Variants in PUS7 observed in about 807,000 individuals in gnomAD.
PUS7 encodes the protein pseudouridylate synthase 7 homolog.
Under a neutral mutation model 79.8 loss-of-function variants are expected in PUS7, and 48 were observed. The observed-to-expected ratio is 0.60, with a 90% CI of 0.48 to 0.76. The LOEUF (loss-of-function observed/expected upper bound fraction) is 0.76, where lower values mean the gene tolerates loss of function less well. Among genes scored for constraint, PUS7 ranks in the 30% least tolerant of loss-of-function variants. PUS7 has a pLI of 0.00. For missense variants in PUS7, 729 were observed against 797.6 expected (o/e 0.91, Z 1.04); for synonymous variants, 286 against 272.2 (o/e 1.05, Z -0.50).
chr7:105,495,380 T>A, intron 5 of PUS7, 127 bp from the exon 6 acceptor site: 1 of 609,866 alleles, frequency 1.6e-6, no homozygotes. Flanking sequence ...ACAGGTTAAG[T>A]GGTTATAGCT....
At chr7:105,487,322 A>G (rs555095961) in intron 7 of PUS7, among the ~76,000 whole-genome samples, 290 of 152,308 alleles carry the variant, frequency 1.9e-3, no homozygotes, top group African/African-American at 6.2e-3. Flanking sequence ...TTTCAGACAC[A>G]TCATATAAAC....
intron 14 of PUS7, among the ~76,000 whole-genome samples, chr7:105,460,051 G>T (rs954793660): frequency 2.4e-4 from 36 of 152,028 alleles, no homozygotes; most frequent in African/African-American, 8.7e-4. Flanking sequence ...CCATTCTCCT[G>T]CCTCAGCCTC....
In PUS7 at chr7:105,497,055, T is replaced by A. The variant is rs974210109; in HGVS notation, c.731-1802A>T. 5.8e-5 allele frequency: 60 copies of A among 1,029,780 alleles called. 1 individual carries two copies. Among genetic ancestry groups the A allele is most frequent in the Middle Eastern group, 2.8e-4 (1 of 3,636 alleles). The allele number at this position is 1,029,780 out of a possible 1,614,324, so 63.8% of individuals were successfully genotyped here. ...AGTGCTTTAGAGGTGAACATGCAAA[T>A]GATCGCATGGTTAAGTTTACACTGA... On this transcript the variant is annotated intron_variant, in intron 5 of 15. Transcript: ENST00000469408.
At chr7:105,492,807 G>A (rs1824852346) in intron 6 of PUS7, among the ~76,000 whole-genome samples, 1 of 151,176 alleles carries the variant, frequency 6.6e-6, no homozygotes, top group African/African-American at 2.4e-5. Context: ...GCGCCCGGCC[G>A]ATTTTTTGTA....
chr7:105,465,358 C>T lies in PUS7; in HGVS notation c.1582G>A (p.Val528Ile), dbSNP rs1823594127. The T allele has an allele frequency of 6.2e-7, 1 of 1,613,630 alleles. No individual in the cohort carries two copies. The highest frequency in any genetic ancestry group is 1.7e-5 in the Admixed American group (1 of 59,994). The stretch of plus-strand genomic sequence containing the variant: ...ACATCGAAACCAGGCAAGGGCATTA[C>T]CACATCATGGATAGAGTAATTATTA... Reference protein sequence around the residue: ...DVNNYSIHDVVMPLPGFDVIY... With the variant: ...DVNNYSIHDVIMPLPGFDVIY... The change falls in exon 13 of 16, where the codon GTA becomes ATA. Residue 528 changes from valine (V) to isoleucine (I), a missense_variant. By Grantham distance (29) the Val-to-Ile change is conservative (BLOSUM62 3). Transcript: ENST00000469408.
chr7:105,470,515 A>G (rs1823829213), intron 11 of PUS7, 173 bp downstream of exon 11: 1 of 602,038 alleles, frequency 1.7e-6, no homozygotes, highest in Non-Finnish European at 2.6e-6. Flanking sequence ...TCCACCCCCA[A>G]CATCACCACT....
chr7:105,508,080 C>T, intron 2 of PUS7, 35 bp downstream of exon 2: 1 of 1,568,840 alleles, frequency 6.4e-7, no homozygotes, highest in Non-Finnish European at 8.6e-7. Context: ...AAACCTAATA[C>T]AATCAAAATA....
At chr7:105,464,377 C>G (rs1366970283) in intron 13 of PUS7, among the ~76,000 whole-genome samples, 1 of 152,108 alleles carries the variant, frequency 6.6e-6, no homozygotes, top group African/African-American at 2.4e-5. Flanking sequence ...CCGGACTGTG[C>G]CAGCTGTGTC....
intron 10 of PUS7, among the ~76,000 whole-genome samples, chr7:105,471,321 T>A (rs1303944837): frequency 6.6e-6 from 1 of 152,242 alleles, no homozygotes; most frequent in Admixed American, 6.5e-5. Context: ...TTTTGGTGAC[T>A]TCTTCACACT....
chr7:105,508,317 T>A lies in PUS7; in HGVS notation c.196A>T (p.Ser66Cys). ...GAATTCTTTCCACCTTTCCCAGTACTGACAGTGTCAGGAGGCCGAGGCACG... is the reference window on the plus strand; with the variant it reads ...GAATTCTTTCCACCTTTCCCAGTACAGACAGTGTCAGGAGGCCGAGGCACG... ...EDVPRPPDTV[S>C]TGKGGKNSEA... The change falls in exon 2 of 16, where the codon AGT becomes TGT. Residue 66 changes from serine (S) to cysteine (C), a missense_variant. Physicochemically the swap from Ser to Cys is moderately radical, Grantham distance 112. Transcript: ENST00000469408. The A allele has an allele frequency of 6.2e-7, 1 of 1,614,156 alleles. No homozygotes were observed. Among genetic ancestry groups the A allele is most frequent in the East Asian group, 2.2e-5 (1 of 44,872 alleles).
chr7:105,470,018 T>A (rs779883251), intron 11 of PUS7, among the ~76,000 whole-genome samples: 12 of 152,222 alleles, frequency 7.9e-5, no homozygotes, highest in Non-Finnish European at 1.8e-4. Flanking sequence ...GTCTTCAAAC[T>A]TAAGGAATTT....
At chr7:105,504,089 GAC>G (rs1328612369) in intron 4 of PUS7, among the ~76,000 whole-genome samples, 1 of 126,458 alleles carries the variant, frequency 7.9e-6, no homozygotes, top group Non-Finnish European at 1.7e-5. Context: ...TTTTTTTTGA[GAC>G]ACAGTTTCAC....
chr7:105,510,243 T>G (rs909850366), intron 1 of PUS7, among the ~76,000 whole-genome samples: 4 of 152,016 alleles, frequency 2.6e-5, no homozygotes, highest in Admixed American at 2.6e-4. Flanking sequence ...GAGGTTGTGG[T>G]GAGCTGAAAT....
chr7:105,504,947 A>C (rs779146516), intron 4 of PUS7, among the ~76,000 whole-genome samples: 13 of 152,126 alleles, frequency 8.5e-5, no homozygotes, highest in Non-Finnish European at 1.5e-4. Context: ...GGGGAATTTC[A>C]GACAACCGAA....
intron 9 of PUS7, among the ~76,000 whole-genome samples, chr7:105,479,706 G>C (rs1824241066): frequency 6.6e-6 from 1 of 152,146 alleles, no homozygotes; most frequent in African/African-American, 2.4e-5. Flanking sequence ...TTTAAAGAGT[G>C]AGGGAAGGGG....
intron 5 of PUS7, among the ~76,000 whole-genome samples, chr7:105,497,483 G>A (rs766868586): frequency 1.3e-5 from 2 of 152,116 alleles, no homozygotes; most frequent in Non-Finnish European, 2.9e-5. Flanking sequence ...ATAGAAAACA[G>A]CTAAGTTCTT....
At position 105,522,206 on chromosome 7, in the gene PUS7, C is replaced by T. The variant is rs550982585; in HGVS notation, c.-187G>A. On this transcript the variant is annotated 5_prime_UTR_variant, in exon 1 of 16. Transcript: ENST00000469408. Reference sequence around the variant, plus strand: ...CTTTCCGCGCGGAGGACCAGATGCGCTCCAGCCGACTCACCGGCGGCCGGG... The same window carrying T: ...CTTTCCGCGCGGAGGACCAGATGCGTTCCAGCCGACTCACCGGCGGCCGGG... The T allele has an allele frequency of 2.0e-5, 3 of 151,990 alleles. No individual in the cohort carries two copies. The highest frequency in any genetic ancestry group is 2.1e-4 in the South Asian group (1 of 4,826). 9.4% of individuals were successfully genotyped at this position (151,990 alleles called of 1,614,324 possible).
chr7:105,512,396 T>C (rs1349294524), intron 1 of PUS7, among the ~76,000 whole-genome samples: 3 of 152,090 alleles, frequency 2.0e-5, no homozygotes, highest in Non-Finnish European at 4.4e-5. Context: ...AGAGGTTTTG[T>C]ACAAATGAAG....
chr7:105,457,648 G>GCTA lies in PUS7; in HGVS notation c.*139_*141dup. ...CAAATATTGCAAATTATTTCTTTAA[G>GCTA]CTAATAAAAACTTAAAAATACAAAT... On this transcript the variant is annotated 3_prime_UTR_variant, in exon 16 of 16. Coordinates refer to ENST00000469408, the MANE Select transcript of PUS7 (RefSeq NM_019042.5). The GCTA allele has an allele frequency of 1.3e-6, 1 of 768,294 alleles. No individual in the cohort carries two copies. The highest frequency in any genetic ancestry group is 2.9e-5 in the South Asian group (1 of 34,684). 47.6% of individuals were successfully genotyped at this position (768,294 alleles called of 1,614,324 possible). A position where few individuals can be genotyped will look rare whatever the true frequency, so the allele number is the denominator to read the frequency against.
Sources: allele counts gnomAD v4.1 joint callset (sites outside exome capture counted in the v4.1 genomes callset), GRCh38; gene constraint gnomAD v4.1.1; transcripts MANE v1.5; gene names NCBI Gene and HGNC (gene_info 2026-07-23, HGNC 2026-07-21).